The following SSMEM1 variants were observed in gnomAD, a reference collection of about 807,000 sequenced individuals.
SSMEM1 encodes serine-rich single-pass membrane protein 1.
Under a neutral mutation model 9.9 loss-of-function variants are expected in SSMEM1, and 12 were observed. The ratio of observed to expected loss-of-function variants is 1.21; its 90% CI spans 0.78 to 1.96. SSMEM1 has a LOEUF of 1.96. Among genes scored for constraint, SSMEM1 ranks in the 30% most tolerant of loss-of-function variants. The pLI, the probability that SSMEM1 is intolerant of heterozygous loss-of-function variation, is 0.00. For missense variants in SSMEM1, 259 were observed against 292.2 expected (o/e 0.89, Z 0.83); for synonymous variants, 96 against 98.9 (o/e 0.97, Z 0.17).
chr7:130,213,524 A>G lies in SSMEM1; in HGVS notation c.228A>G (p.Ser76=), dbSNP rs1798636132. ...KKDEGSGTST[S]VRKASKETSC... is the part of the protein sequence containing the mutation. The stretch of plus-strand genomic sequence containing the variant: ...ATGAAGGCAGTGGGACAAGTACTTC[A>G]GTAAGGAAAGGTGAGAACCAGTGCA... Residue 76 remains serine, a synonymous_variant, in exon 2 of 3, where the codon TCA becomes TCG. Coordinates refer to ENST00000297819, the MANE Select transcript of SSMEM1 (RefSeq NM_145268.4). 6.2e-7 allele frequency: 1 copy of G among 1,612,016 alleles called. No homozygotes were observed. Among genetic ancestry groups the G allele is most frequent in the African/African-American group, 1.3e-5 (1 of 74,828 alleles).
chr7:130,215,821 G>T (rs1056915560), intron 2 of SSMEM1, among the ~76,000 whole-genome samples, 153 bp from the exon 3 acceptor site: 6 of 152,204 alleles, frequency 3.9e-5, no homozygotes, highest in Non-Finnish European at 7.3e-5. Flanking sequence ...AGAAAATGCA[G>T]TCAGCTGCCA....
upstream of SSMEM1, chr7:130,205,560 G>C (rs1562903599): frequency 3.5e-6 from 3 of 862,788 alleles, no homozygotes; most frequent in East Asian, 5.1e-5. Flanking sequence ...ACAGGTCTCG[G>C]TTTTGCGGCT....
chr7:130,206,885 C>G (rs1798488311), upstream of SSMEM1: 1 of 200,254 alleles, frequency 5.0e-6, no homozygotes, highest in Non-Finnish European at 1.1e-5. Context: ...ACTCTGGAGG[C>G]TGAGGCAGGA....
chr7:130,205,639 A>G (rs964413674), upstream of SSMEM1: 4 of 597,182 alleles, frequency 6.7e-6, no homozygotes, highest in African/African-American at 7.4e-5. Context: ...AGTAAAAAGT[A>G]ATAATTGTAA....
upstream of SSMEM1, among the ~76,000 whole-genome samples, chr7:130,206,267 G>C (rs1798462840): frequency 6.6e-6 from 1 of 152,042 alleles, no homozygotes; most frequent in African/African-American, 2.4e-5. Context: ...GAGGCCCACA[G>C]ATGCATTTCG....
intron 1 of SSMEM1, among the ~76,000 whole-genome samples, chr7:130,208,346 T>C (rs1338606614): frequency 6.6e-6 from 1 of 152,248 alleles, no homozygotes; most frequent in Non-Finnish European, 1.5e-5. Flanking sequence ...TTGGTTTTTT[T>C]CTCTGCCTTT....
At chr7:130,213,710 A>AG (rs113909675) in intron 2 of SSMEM1, among the ~76,000 whole-genome samples, 176 bp downstream of exon 2, 24,439 of 120,158 alleles carry the variant, frequency 0.2, 987 homozygotes, top group East Asian at 0.37. Flanking sequence ...AAAAAAAAAA[A>AG]AAAAGAAAAG....
chr7:130,207,838 T>C (rs530894734), upstream of SSMEM1: 8 of 1,498,536 alleles, frequency 5.3e-6, no homozygotes, highest in African/African-American at 5.5e-5. Flanking sequence ...TCATACATCA[T>C]AGAGGGAGTG....
In SSMEM1 at chr7:130,213,483, T is replaced by G. The variant is rs1486665391; in HGVS notation, c.187T>G (p.Ser63Ala). ...MFFSRASVWM[S>A]EDKKDEGSGT... ...CTAACCTATGTTTCTGAAACAGATG[T>G]CTGAGGATAAAAAGGATGAAGGCAG... is the stretch of plus-strand genomic sequence containing the variant. Residue 63 changes from serine to alanine, a missense_variant, in exon 2 of 3, where the codon TCT (serine) becomes GCT (alanine). By Grantham distance (99) the Ser-to-Ala change is moderately conservative. Coordinates refer to ENST00000297819, the MANE Select transcript of SSMEM1 (RefSeq NM_145268.4). 1 of 1,608,778 alleles carries G rather than the reference T, an allele frequency of 6.2e-7. No homozygotes were observed. Among genetic ancestry groups the G allele is most frequent in the Non-Finnish European group, 8.5e-7 (1 of 1,177,166 alleles).
chr7:130,214,392 G>A (rs541626932), intron 2 of SSMEM1, among the ~76,000 whole-genome samples: 36 of 151,932 alleles, frequency 2.4e-4, no homozygotes, highest in South Asian at 6.3e-4. Context: ...CAGCCTGGGC[G>A]GCACAGTGAG....
intron 2 of SSMEM1, among the ~76,000 whole-genome samples, chr7:130,215,101 G>C (rs565470375): frequency 1.3e-5 from 2 of 152,126 alleles, no homozygotes. Flanking sequence ...TCAGGAGTTC[G>C]AGACCAGCCT....
chr7:130,216,709 T>G lies in SSMEM1; in HGVS notation c.*239T>G. On this transcript the variant is annotated 3_prime_UTR_variant, in exon 3 of 3. Transcript: ENST00000297819. ...AGATCTATATCTGCTATGATTTTTTTATTTGAAATAGCACAAGACAGATAT... is the reference window on the plus strand; with the variant it reads ...AGATCTATATCTGCTATGATTTTTTGATTTGAAATAGCACAAGACAGATAT... The G allele has an allele frequency of 1.9e-6, 1 of 516,914 alleles. No homozygotes were observed. The allele number at this position is 516,914 out of a possible 1,614,324, so 32.0% of individuals were successfully genotyped here. A position where few individuals can be genotyped will look rare whatever the true frequency, so the allele number is the denominator to read the frequency against.
intron 2 of SSMEM1, among the ~76,000 whole-genome samples, chr7:130,215,457 CTT>C (rs570986584): frequency 3.3e-5 from 5 of 152,262 alleles, no homozygotes; most frequent in African/African-American, 1.2e-4. Context: ...TTTTTAGTAA[CTT>C]AATTTATTGT....
At chr7:130,213,272 C>T (rs1332107576) in intron 1 of SSMEM1, among the ~76,000 whole-genome samples, 2 of 151,834 alleles carry the variant, frequency 1.3e-5, no homozygotes, top group African/African-American at 4.8e-5. Context: ...CACTTGAACC[C>T]GGAAGATAGA....
upstream of SSMEM1, chr7:130,205,562 T>G: frequency 2.4e-6 from 2 of 847,490 alleles, no homozygotes; most frequent in South Asian, 1.5e-5. Context: ...AGGTCTCGGT[T>G]TTGCGGCTCC....
chr7:130,213,302 C>CA (rs1798628957), intron 1 of SSMEM1, among the ~76,000 whole-genome samples, 178 bp from the exon 2 acceptor site: 1 of 152,062 alleles, frequency 6.6e-6, no homozygotes, highest in African/African-American at 2.4e-5. Context: ...GAGCTGAGAT[C>CA]ATGCCACTGC....
At chr7:130,211,710 G>A (rs1430828664) in intron 1 of SSMEM1, among the ~76,000 whole-genome samples, 1 of 152,022 alleles carries the variant, frequency 6.6e-6, no homozygotes, top group Non-Finnish European at 1.5e-5. Flanking sequence ...AAAATTAGAA[G>A]AGAAAAAGTC....
chr7:130,216,612 T>TA lies in SSMEM1; in HGVS notation c.*146dup, dbSNP rs1347944839. On this transcript the variant is annotated 3_prime_UTR_variant, in exon 3 of 3. Transcript: ENST00000297819. ...AAAAACATACTTGGAACCCAAGAGGTAAAATCTCACACAATTCTTCGTTCA... is the reference window on the plus strand; with the variant it reads ...AAAAACATACTTGGAACCCAAGAGGTAAAAATCTCACACAATTCTTCGTTCA... 4.7e-6 allele frequency: 5 copies of TA among 1,058,960 alleles called. No homozygotes were observed. The highest frequency in any genetic ancestry group is 6.7e-6 in the Non-Finnish European group (5 of 745,150). 65.6% of individuals were successfully genotyped at this position (1,058,960 alleles called of 1,614,324 possible).
chr7:130,205,521 G>A (rs1798429667), upstream of SSMEM1: 3 of 1,313,372 alleles, frequency 2.3e-6, no homozygotes, highest in South Asian at 1.2e-5. Context: ...GGGGTCGCAG[G>A]CCCAGGCGCT....
Sources: allele counts gnomAD v4.1 joint callset (sites outside exome capture counted in the v4.1 genomes callset), GRCh38; gene constraint gnomAD v4.1.1; transcripts MANE v1.5; gene names NCBI Gene and HGNC (gene_info 2026-07-23, HGNC 2026-07-21).